EPHA5: variants seen among roughly 807,000 people sequenced by gnomAD.
The protein encoded by EPHA5 is EPH receptor A5.
EPHA5 carries 60 observed loss-of-function variants against 105.0 expected under a neutral mutation model. The observed-to-expected ratio is 0.57, with a 90% CI of 0.46 to 0.71. The LOEUF is 0.71. EPHA5 is among the 30% of genes least tolerant of loss of function. The pLI is 0.00. For missense variants in EPHA5, 1,218 were observed against 1,274.7 expected (o/e 0.96, Z 0.68); for synonymous variants, 513 against 449.1 (o/e 1.14, Z -1.80).
At chr4:65,367,236 T>TAAA (rs199743769) in intron 9 of EPHA5, 121 bp downstream of exon 9, 78 of 664,504 alleles carry the variant, frequency 1.2e-4, no homozygotes, top group Middle Eastern at 4.7e-4. Flanking sequence ...AGAACACTTT[T>TAAA]AAAAAAAAAA....
intron 5 of EPHA5, among the ~76,000 whole-genome samples, chr4:65,481,982 T>C (rs1315555423): frequency 6.6e-6 from 1 of 152,156 alleles, no homozygotes; most frequent in Non-Finnish European, 1.5e-5. Flanking sequence ...ATATGAAAGT[T>C]AAGGTGGAAT....
intron 5 of EPHA5, among the ~76,000 whole-genome samples, chr4:65,449,199 A>T (rs140386885): frequency 3.9e-5 from 6 of 152,298 alleles, no homozygotes; most frequent in Non-Finnish European, 8.8e-5. Flanking sequence ...CAATTTGTAG[A>T]ATAAACTCAA....
Position 65,670,403 on chromosome 4 carries a change from C to T in EPHA5, c.-661G>A, listed in dbSNP as rs1282351379. On this transcript the variant is annotated 5_prime_UTR_variant, in exon 1 of 17. Coordinates refer to ENST00000613740, the MANE Select transcript of EPHA5 (RefSeq NM_001281766.3). ...CGCTGCGGCGGCCCAGGAGCTGCTG[C>T]GGTTCCCGCTGCTCGGGGAGCAGGC... is the stretch of plus-strand genomic sequence containing the variant. The T allele has an allele frequency of 8.6e-6, 2 of 233,624 alleles. No homozygotes were observed. Among genetic ancestry groups the T allele is most frequent in the Admixed American group, 5.6e-5 (1 of 17,802 alleles). The allele number at this position is 233,624 out of a possible 1,614,324, so 14.5% of individuals were successfully genotyped here. A position where few individuals can be genotyped will look rare whatever the true frequency, so the allele number is the denominator to read the frequency against.
chr4:65,324,208 C>T lies in EPHA5; in HGVS notation c.2957G>A (p.Arg986Gln), dbSNP rs145811811. 29 of 1,607,880 alleles carry T rather than the reference C, an allele frequency of 1.8e-5. No homozygotes were observed. The highest frequency in any genetic ancestry group is 3.3e-5 in the South Asian group (3 of 90,814). The change falls in exon 17 of 17, where the codon CGG (arginine) becomes CAG (glutamine). Residue 986 changes from arginine to glutamine, a missense_variant. By Grantham distance (43) the Arg-to-Gln change is conservative. This residue lies in a region of EPHA5 where 971 missense variants were observed against 1,013.5 expected (regional missense o/e 0.96). Transcript: ENST00000613740. ...GTGACCGACAAGAGTCACTCCAAGC[C>T]GTCTCAAATCCCTGCATGAAGAAAG... Reference protein sequence around the residue: ...VAQVTLEDLRRLGVTLVGHQK... With the variant: ...VAQVTLEDLRQLGVTLVGHQK...
At chr4:65,459,484 T>C (rs1233188074) in intron 5 of EPHA5, among the ~76,000 whole-genome samples, 1 of 151,818 alleles carries the variant, frequency 6.6e-6, no homozygotes, top group Admixed American at 6.6e-5. Flanking sequence ...CTATTGCATA[T>C]GGAAAGTAGG....
intron 6 of EPHA5, 102 bp from the exon 7 acceptor site, chr4:65,414,545 G>C: frequency 3.3e-6 from 4 of 1,212,744 alleles, no homozygotes; most frequent in Non-Finnish European, 4.7e-6. Flanking sequence ...GAAACCAAAG[G>C]ACTCTATTAG....
In EPHA5 at chr4:65,643,416, C is replaced by G. The variant is rs141103426; in HGVS notation, c.193G>C (p.Asp65His). The change falls in exon 2 of 17, where the codon GAT becomes CAT. Residue 65 changes from aspartate to histidine, a missense_variant. By Grantham distance (81) the Asp-to-His change is moderately conservative. Coordinates refer to ENST00000613740, the MANE Select transcript of EPHA5 (RefSeq NM_001281766.3). ...ASPSNEVNLLDSRTVMGDLGW... is the reference protein window; with the variant it reads ...ASPSNEVNLLHSRTVMGDLGW... ...AGGTCCCCCATGACAGTGCGTGAATCCAATAAATTCACTGAAAAGAAAAGA... is the reference window on the plus strand; with the variant it reads ...AGGTCCCCCATGACAGTGCGTGAATGCAATAAATTCACTGAAAAGAAAAGA... 6.2e-7 allele frequency: 1 copy of G among 1,612,434 alleles called. No individual in the cohort carries two copies. Among genetic ancestry groups the G allele is most frequent in the Non-Finnish European group, 8.5e-7 (1 of 1,178,980 alleles).
At chr4:65,509,554 G>A (rs1452185890) in intron 3 of EPHA5, among the ~76,000 whole-genome samples, 1 of 152,102 alleles carries the variant, frequency 6.6e-6, no homozygotes, top group Non-Finnish European at 1.5e-5. Flanking sequence ...TGTAAGATGA[G>A]AACTTAAACT....
intron 1 of EPHA5, among the ~76,000 whole-genome samples, chr4:65,661,901 T>C (rs1371250237): frequency 2.0e-5 from 3 of 152,188 alleles, no homozygotes; most frequent in Non-Finnish European, 1.5e-5. Context: ...TTCTGATGTA[T>C]GAATTAAGTG....
intron 2 of EPHA5, among the ~76,000 whole-genome samples, chr4:65,616,886 C>T (rs1450809542): frequency 6.6e-6 from 1 of 152,004 alleles, no homozygotes; most frequent in African/African-American, 2.4e-5. Context: ...AACAATGAAG[C>T]TCTTCCTGGT....
At chr4:65,543,833 G>T (rs532557573) in intron 3 of EPHA5, among the ~76,000 whole-genome samples, 2 of 152,062 alleles carry the variant, frequency 1.3e-5, no homozygotes, top group South Asian at 2.1e-4. Context: ...ACACTACAAG[G>T]CTACAGTAAT....
At chr4:65,376,955 AG>A in intron 8 of EPHA5, 1 of 1,536,156 alleles carries the variant, frequency 6.5e-7, no homozygotes, top group East Asian at 2.3e-5. Context: ...TAATACATAT[AG>A]GTGGACATCA....
In EPHA5 at chr4:65,385,704, C is replaced by T. The variant is rs1195322650; in HGVS notation, c.1794-18280G>A. On this transcript the variant is annotated intron_variant, in intron 8 of 16. Coordinates refer to ENST00000613740, the MANE Select transcript of EPHA5 (RefSeq NM_001281766.3). ...CAGTGATTAATTATGGTTACAATTG[C>T]TTTATACATTGAATTGTGTATAAAT... is the stretch of plus-strand genomic sequence containing the variant. Among the ~76,000 whole-genome samples, 4 of 151,744 alleles carry T rather than the reference C, an allele frequency of 2.6e-5. No individual in the cohort carries two copies. The East Asian group carries it at 7.8e-4, about 29-fold the overall frequency.
intron 7 of EPHA5, among the ~76,000 whole-genome samples, chr4:65,407,369 T>A (rs1166258620): frequency 1.3e-4 from 20 of 152,164 alleles, no homozygotes; most frequent in Non-Finnish European, 4.4e-5. Context: ...TGAGAAAAAA[T>A]ATAACATTTT....
Position 65,322,279 on chromosome 4 carries a change from G to A in EPHA5, c.*1835C>T. On this transcript the variant is annotated 3_prime_UTR_variant, in exon 17 of 17. Transcript: ENST00000613740. ...AGGTACTTTACTGCTTAAGTAAAGG[G>A]TGGGCAGAATAGGAAGTAGTTATTT... is the stretch of plus-strand genomic sequence containing the variant. 1 of 223,636 alleles carries A rather than the reference G, an allele frequency of 4.5e-6. No individual in the cohort carries two copies. The highest frequency in any genetic ancestry group is 8.9e-6 in the Non-Finnish European group (1 of 111,922). 13.9% of individuals were successfully genotyped at this position (223,636 alleles called of 1,614,324 possible).
intron 14 of EPHA5, among the ~76,000 whole-genome samples, chr4:65,337,713 G>T (rs1033452634): frequency 1.3e-5 from 2 of 152,008 alleles, no homozygotes; most frequent in Non-Finnish European, 2.9e-5. Flanking sequence ...CAATTTGCAG[G>T]AATCTGGCTA....
At chr4:65,662,402 T>G (rs932935474) in intron 1 of EPHA5, among the ~76,000 whole-genome samples, 3 of 152,124 alleles carry the variant, frequency 2.0e-5, no homozygotes, top group Non-Finnish European at 4.4e-5. Context: ...TATTTAGAAC[T>G]GAAGACAAGC....
intron 14 of EPHA5, among the ~76,000 whole-genome samples, chr4:65,340,767 C>T (rs1721637397): frequency 6.6e-6 from 1 of 152,128 alleles, no homozygotes; most frequent in African/African-American, 2.4e-5. Flanking sequence ...GAGAATAGAG[C>T]ATGTCAATCA....
chr4:65,549,371 A>C (rs1033304714), intron 3 of EPHA5, among the ~76,000 whole-genome samples: 1 of 152,162 alleles, frequency 6.6e-6, no homozygotes, highest in Non-Finnish European at 1.5e-5. Flanking sequence ...AAATGATTAT[A>C]AATGGAAGGG....
Sources: allele counts gnomAD v4.1 joint callset (sites outside exome capture counted in the v4.1 genomes callset), GRCh38; gene constraint gnomAD v4.1.1; regional missense constraint gnomAD v4.1.1; transcripts MANE v1.5; gene names NCBI Gene and HGNC (gene_info 2026-07-23, HGNC 2026-07-21).